The following SCFD2 variants were observed in gnomAD, a reference collection of about 807,000 sequenced individuals.
SCFD2 encodes the protein sec1 family domain-containing protein 2.
In SCFD2, 54 loss-of-function variants were observed where a neutral mutation model predicts 58.9. That is an observed-to-expected ratio of 0.92 (90% confidence interval 0.74 to 1.15). The LOEUF is 1.15. Among genes scored for constraint, SCFD2 ranks in the 50% most tolerant of loss-of-function variants. SCFD2 has a pLI of 0.00. For synonymous variants in SCFD2, 321 were observed against 335.9 expected, an observed-to-expected ratio of 0.96 and a Z score of 0.49; for missense variants, 805 against 836.6, an observed-to-expected ratio of 0.96 and a Z score of 0.47.
chr4:53,255,069 C>T (rs1388080055), intron 4 of SCFD2, among the ~76,000 whole-genome samples: 1 of 150,796 alleles, frequency 6.6e-6, no homozygotes, highest in Non-Finnish European at 1.5e-5. Flanking sequence ...GACGGGGTTT[C>T]ACTGTGTTAT....
At chr4:53,254,264 G>A (rs1046319350) in intron 4 of SCFD2, among the ~76,000 whole-genome samples, 1 of 152,010 alleles carries the variant, frequency 6.6e-6, no homozygotes, top group African/African-American at 2.4e-5. Context: ...GGATCATGGG[G>A]GTGGTTTCCC....
intron 5 of SCFD2, among the ~76,000 whole-genome samples, chr4:53,099,602 TG>T (rs1724770725): frequency 6.6e-6 from 1 of 152,110 alleles, no homozygotes; most frequent in South Asian, 2.1e-4. Flanking sequence ...GGAGCCAGCA[TG>T]TGCAGAGATC....
At chr4:52,875,622 TGA>T (rs1718450950) in intron 8 of SCFD2, among the ~76,000 whole-genome samples, 1 of 151,246 alleles carries the variant, frequency 6.6e-6, no homozygotes, top group African/African-American at 2.4e-5. Context: ...ACGAGCTCAT[TGA>T]TGGAAAACAA....
intron 3 of SCFD2, among the ~76,000 whole-genome samples, chr4:53,311,272 TA>T (rs1732681198): frequency 1.3e-5 from 2 of 152,226 alleles, no homozygotes; most frequent in Admixed American, 1.3e-4. Context: ...AGAAGTTTGC[TA>T]ACAATCCTCT....
At chr4:53,012,836 G>GTGTGTGTT (rs1553914338) in intron 5 of SCFD2, among the ~76,000 whole-genome samples, 362 of 145,104 alleles carry the variant, frequency 2.5e-3, no homozygotes, top group Admixed American at 4.0e-3. Context: ...GTGTGTGTGT[G>GTGTGTGTT]TTTTTTTTTA....
At chr4:52,918,461 A>T (rs1719659266) in intron 6 of SCFD2, among the ~76,000 whole-genome samples, 2 of 152,328 alleles carry the variant, frequency 1.3e-5, no homozygotes, top group African/African-American at 4.8e-5. Flanking sequence ...CACAAGGCTT[A>T]CATCTGTAAT....
rs762599188 is a variant in SCFD2, at chr4:53,172,779, T to C, written c.1312-27197A>G. Among the ~76,000 whole-genome samples the C allele has an allele frequency of 8.5e-5, 13 of 152,232 alleles. No individual in the cohort carries two copies. In the East Asian group the frequency reaches 2.3e-3, roughly 27 times the overall value. ...CCAATATATGATCTATCCTGAAGAATATTTCATGTGCAGTTGAAAAGAATG... is the reference window on the plus strand; with the variant it reads ...CCAATATATGATCTATCCTGAAGAACATTTCATGTGCAGTTGAAAAGAATG... On this transcript the variant is annotated intron_variant, in intron 4 of 8. Coordinates refer to ENST00000401642, the MANE Select transcript of SCFD2 (RefSeq NM_152540.4).
At chr4:53,235,880 A>C (rs1378417215) in intron 4 of SCFD2, among the ~76,000 whole-genome samples, 1 of 152,236 alleles carries the variant, frequency 6.6e-6, no homozygotes, top group Non-Finnish European at 1.5e-5. Flanking sequence ...TGGAGTAAAT[A>C]CTGAATAACC....
intron 8 of SCFD2, among the ~76,000 whole-genome samples, chr4:52,880,420 A>G (rs1401417146): frequency 6.6e-6 from 1 of 151,866 alleles, no homozygotes; most frequent in African/African-American, 2.4e-5. Context: ...GTTCAAGACC[A>G]GCCTGGCCAA....
intron 4 of SCFD2, among the ~76,000 whole-genome samples, chr4:53,185,642 CTATT>C (rs895987681): frequency 6.6e-6 from 1 of 151,974 alleles, no homozygotes; most frequent in African/African-American, 2.4e-5. Context: ...TGGAATTACT[CTATT>C]AAGTTACCAA....
At chr4:52,949,920 C>T (rs1304137972) in intron 5 of SCFD2, 1 of 152,192 alleles carries the variant, frequency 6.6e-6, no homozygotes, top group African/African-American at 2.4e-5. Flanking sequence ...CCATGTGAAG[C>T]CTGGCTTTAT....
intron 4 of SCFD2, among the ~76,000 whole-genome samples, chr4:53,234,850 A>G (rs1349858798): frequency 2.6e-5 from 4 of 152,262 alleles, no homozygotes; most frequent in African/African-American, 9.6e-5. Context: ...TTCACCTACT[A>G]TCACAGAGAT....
At chr4:53,026,983 T>G (rs998195782) in intron 5 of SCFD2, among the ~76,000 whole-genome samples, 1 of 152,212 alleles carries the variant, frequency 6.6e-6, no homozygotes, top group African/African-American at 2.4e-5. Context: ...GAAACAGCAA[T>G]GAATTGCCTG....
intron 5 of SCFD2, among the ~76,000 whole-genome samples, chr4:52,975,548 T>C (rs919741096): frequency 4.6e-5 from 7 of 152,056 alleles, no homozygotes; most frequent in African/African-American, 9.7e-5. Context: ...TGTGGAGAAA[T>C]AGGAACACTT....
chr4:53,105,417 A>T (rs1724963738), intron 5 of SCFD2, among the ~76,000 whole-genome samples: 1 of 151,996 alleles, frequency 6.6e-6, no homozygotes, highest in South Asian at 2.1e-4. Flanking sequence ...CATGGAGCCC[A>T]GCATGCTAGG....
rs146572158 is a variant in SCFD2, at chr4:52,912,001, C to A, written c.1708-4410G>T. On this transcript the variant is annotated intron_variant, in intron 6 of 8. Transcript: ENST00000401642. Reference sequence around the variant, plus strand: ...CTCTCACCACTTGAAGCTGCCCCTCCTCTAGACTTTTAAGTCATAGGATTT... The same window carrying A: ...CTCTCACCACTTGAAGCTGCCCCTCATCTAGACTTTTAAGTCATAGGATTT... Among the ~76,000 whole-genome samples, 387 of 152,278 alleles carry A rather than the reference C, an allele frequency of 2.5e-3. 4 individuals are homozygous for A. The highest frequency in any genetic ancestry group is 4.1e-3 in the Non-Finnish European group (279 of 68,020).
intron 5 of SCFD2, 40 bp from the exon 6 acceptor site, chr4:52,920,910 T>C (rs1203020078): frequency 1.4e-6 from 2 of 1,456,606 alleles, no homozygotes; most frequent in Non-Finnish European, 1.9e-6. Flanking sequence ...TGAGTAAATC[T>C]TTAAGTTTTC....
In SCFD2 at chr4:53,249,954, C is replaced by T. The variant is rs186632325; in HGVS notation, c.1311+23872G>A. On this transcript the variant is annotated intron_variant, in intron 4 of 8. Coordinates refer to ENST00000401642, the MANE Select transcript of SCFD2 (RefSeq NM_152540.4). The stretch of plus-strand genomic sequence containing the variant: ...GGATCAAATTCACACATAACAATGT[C>T]AACTTTAAATGTAAATGAACTAAAT... Among the ~76,000 whole-genome samples, 14 of 152,204 alleles carry T rather than the reference C, an allele frequency of 9.2e-5. No individual in the cohort carries two copies. The East Asian group carries it at 2.5e-3, about 27-fold the overall frequency.
At chr4:52,958,529 A>AT (rs1046711675) in intron 5 of SCFD2, among the ~76,000 whole-genome samples, 7 of 151,700 alleles carry the variant, frequency 4.6e-5, no homozygotes, top group African/African-American at 1.7e-4. Flanking sequence ...TTACGGTTTC[A>AT]CCCCCACCCT....
Sources: gnomAD v4.1 joint callset for allele counts (sites outside exome capture counted in the v4.1 genomes callset) on GRCh38, gnomAD v4.1.1 for gene constraint, MANE v1.5 for transcripts, NCBI Gene and HGNC (gene_info 2026-07-23, HGNC 2026-07-21) for gene names.